The following ARHGEF28 variants were observed in gnomAD, a reference collection of about 807,000 sequenced individuals.
ARHGEF28 encodes the protein Rho guanine nucleotide exchange factor 28.
ARHGEF28 carries 152 observed loss-of-function variants against 206.6 expected under a neutral mutation model. That is an observed-to-expected ratio of 0.74 (90% CI 0.64 to 0.84). The LOEUF (loss-of-function observed/expected upper bound fraction) is 0.84, where lower values mean the gene tolerates loss of function less well. ARHGEF28 is among the 40% of genes least tolerant of loss of function. ARHGEF28 has a pLI of 0.00. For missense variants in ARHGEF28, 2,028 were observed against 2,073.2 expected (o/e 0.98, Z 0.42); for synonymous variants, 763 against 776.4 (o/e 0.98, Z 0.29).
intron 2 of ARHGEF28, among the ~76,000 whole-genome samples, chr5:73,731,601 G>A (rs1016975107): frequency 1.3e-5 from 2 of 152,120 alleles, no homozygotes; most frequent in African/African-American, 2.4e-5. Context: ...AAGGGATAGG[G>A]TGGTCATGGA....
At chr5:73,651,163 A>T (rs1009262534) in intron 1 of ARHGEF28, among the ~76,000 whole-genome samples, 1 of 152,296 alleles carries the variant, frequency 6.6e-6, no homozygotes, top group Middle Eastern at 3.4e-3. Context: ...GGTTGAGCCT[A>T]AGAAGAAGGG....
intron 9 of ARHGEF28, among the ~76,000 whole-genome samples, chr5:73,828,788 C>G (rs752752229): frequency 1.3e-5 from 2 of 150,940 alleles, no homozygotes; most frequent in Non-Finnish European, 3.0e-5. Flanking sequence ...TCCTTCCTTT[C>G]CTTTCTTCCT....
In ARHGEF28 at chr5:73,909,393, C is replaced by CCTCTGTCTG; in HGVS notation, c.4162-13_4162-5dup. The CCTCTGTCTG allele has an allele frequency of 1.9e-6, 3 of 1,571,240 alleles. No individual in the cohort carries two copies. The highest frequency in any genetic ancestry group is 2.6e-6 in the Non-Finnish European group (3 of 1,154,748). ...TGGAACCTTGTGTTCAGTGATTTTTCCTCTGTCTGCTCTGACAGGCCGCCT... is the reference window on the plus strand; with the variant it reads ...TGGAACCTTGTGTTCAGTGATTTTTCCTCTGTCTGCTCTGTCTGCTCTGACAGGCCGCCT... On this transcript the variant is annotated intron_variant, in intron 33 of 35. Coordinates refer to ENST00000513042, the MANE Select transcript of ARHGEF28 (RefSeq NM_001177693.2).
chr5:73,934,299 A>G (rs773730489), intron 35 of ARHGEF28, among the ~76,000 whole-genome samples: 10 of 152,200 alleles, frequency 6.6e-5, no homozygotes, highest in Non-Finnish European at 1.2e-4. Flanking sequence ...ATTTTTTGAC[A>G]TGAAAATAAT....
chr5:73,825,723 T>C (rs1756868062), intron 9 of ARHGEF28, among the ~76,000 whole-genome samples: 1 of 151,930 alleles, frequency 6.6e-6, no homozygotes. Flanking sequence ...CTGAATCCAG[T>C]TGTGAAAGAA....
rs150952905 is a variant in ARHGEF28 at position 73,867,193 on chromosome 5, A to G, written c.2153-683A>G. On this transcript the variant is annotated intron_variant, in intron 18 of 35. Coordinates refer to ENST00000513042, the MANE Select transcript of ARHGEF28 (RefSeq NM_001177693.2). ...TTATGCACGTGTAAAATGCTTTGTA[A>G]TGTCTGGGATCTTCCTTTTGCTTGA... Among the ~76,000 whole-genome samples the G allele has an allele frequency of 3.1e-3, 474 of 152,340 alleles. 3 individuals are homozygous for G. The highest frequency in any genetic ancestry group is 0.011 in the African/African-American group (450 of 41,588).
intron 1 of ARHGEF28, among the ~76,000 whole-genome samples, chr5:73,655,443 A>G (rs1448445014): frequency 6.6e-6 from 1 of 152,208 alleles, no homozygotes; most frequent in Non-Finnish European, 1.5e-5. Context: ...ATCTCCTTTT[A>G]TCTGCATAGG....
At chr5:73,883,042 C>T (rs1221294426) in intron 23 of ARHGEF28, among the ~76,000 whole-genome samples, 2 of 152,044 alleles carry the variant, frequency 1.3e-5, no homozygotes, top group Non-Finnish European at 2.9e-5. Context: ...TTTTTGATAT[C>T]TTAAAATTTC....
At chr5:73,783,373 T>TGC (rs1335909847) in intron 7 of ARHGEF28, among the ~76,000 whole-genome samples, 3 of 129,910 alleles carry the variant, frequency 2.3e-5, no homozygotes, top group African/African-American at 7.8e-5. Flanking sequence ...TGTGTGTGTG[T>TGC]GTGTGTGTGT....
At chr5:73,689,386 A>C (rs994784690) in intron 2 of ARHGEF28, among the ~76,000 whole-genome samples, 1 of 152,166 alleles carries the variant, frequency 6.6e-6, no homozygotes, top group Non-Finnish European at 1.5e-5. Context: ...ACTGTTGCCC[A>C]GGCTGGAGTG....
At chr5:73,868,363 T>C in intron 20 of ARHGEF28, 136 bp downstream of exon 20, 3 of 1,141,852 alleles carry the variant, frequency 2.6e-6, no homozygotes, top group Non-Finnish European at 2.4e-6. Context: ...CTCTTTGGTA[T>C]AGGTTCTACT....
In ARHGEF28 at chr5:73,867,887, A is replaced by T. The variant is rs1315610836; in HGVS notation, c.2164A>T (p.Arg722Ter). The T allele has an allele frequency of 1.2e-6, 2 of 1,614,002 alleles. No homozygotes were observed. The highest frequency in any genetic ancestry group is 1.7e-6 in the Non-Finnish European group (2 of 1,179,874). The change falls in exon 19 of 36, where the codon AGA becomes TGA. Residue 722 changes from arginine to a stop codon, truncating the protein, a stop_gained. Transcript: ENST00000513042. LOFTEE classifies it high-confidence loss of function. ...PQTILGNSSF[R>*]DIPQPGLSLH... ...GTTCTGATTTCCAGATTCTTCATTT[A>T]GAGACATCCCACAGCCTGGTCTCTC...
At chr5:73,908,196 T>C (rs973771640) in intron 33 of ARHGEF28, among the ~76,000 whole-genome samples, 3 of 152,194 alleles carry the variant, frequency 2.0e-5, no homozygotes, top group Non-Finnish European at 2.9e-5. Context: ...TTTAAAAATA[T>C]GAATTTTTGT....
rs146098478 is a variant in ARHGEF28, at chr5:73,901,011, C to A, written c.3974-173C>A. ...GTGTAAGCCCCATGTGGGCAGGGAC[C>A]ACATGCATTGCTCTGCGCTCATCCA... is the stretch of plus-strand genomic sequence containing the variant. On this transcript the variant is annotated intron_variant, in intron 30 of 35. Transcript: ENST00000513042. 2,339 of 541,120 alleles carry A rather than the reference C, an allele frequency of 4.3e-3. 55 individuals are homozygous for A. The highest frequency in any genetic ancestry group is 0.04 in the African/African-American group (2,097 of 52,532). The allele number at this position is 541,120 out of a possible 1,614,324, so 33.5% of individuals were successfully genotyped here. A position where few individuals can be genotyped will look rare whatever the true frequency, so the allele number is the denominator to read the frequency against.
intron 1 of ARHGEF28, among the ~76,000 whole-genome samples, chr5:73,631,065 C>T (rs1580420125): frequency 6.6e-6 from 1 of 152,206 alleles, no homozygotes; most frequent in Non-Finnish European, 1.5e-5. Flanking sequence ...CATATGGCTG[C>T]CCTAGTCCTC....
intron 1 of ARHGEF28, among the ~76,000 whole-genome samples, chr5:73,664,185 AG>A (rs1433124096): frequency 6.6e-6 from 1 of 152,216 alleles, no homozygotes; most frequent in African/African-American, 2.4e-5. Context: ...CTACCAACAC[AG>A]CTGTGGCCAA....
intron 17 of ARHGEF28, 36 bp from the exon 18 acceptor site, chr5:73,865,929 G>A (rs759775895): frequency 7.0e-7 from 1 of 1,428,782 alleles, no homozygotes; most frequent in Admixed American, 1.8e-5. Flanking sequence ...ATGATACTTT[G>A]ATCTTACTTT....
At chr5:73,647,151 C>T (rs761304054) in intron 1 of ARHGEF28, among the ~76,000 whole-genome samples, 13 of 152,134 alleles carry the variant, frequency 8.5e-5, no homozygotes, top group Non-Finnish European at 1.9e-4. Flanking sequence ...AAATTCCACA[C>T]CTGACCTCAA....
intron 20 of ARHGEF28, among the ~76,000 whole-genome samples, chr5:73,868,433 T>C (rs1291889008): frequency 1.3e-5 from 2 of 152,090 alleles, no homozygotes; most frequent in Non-Finnish European, 2.9e-5. Flanking sequence ...CAAGGAAATA[T>C]GACGTAAATT....
Sources: allele counts gnomAD v4.1 joint callset (sites outside exome capture counted in the v4.1 genomes callset), GRCh38; gene constraint gnomAD v4.1.1; transcripts MANE v1.5; gene names NCBI Gene and HGNC (gene_info 2026-07-23, HGNC 2026-07-21).